ADAMTS8: variants seen among roughly 807,000 people sequenced by gnomAD.
ADAMTS8 encodes A disintegrin and metalloproteinase with thrombospondin motifs 8.
ADAMTS8 carries 50 observed loss-of-function variants against 64.4 expected under a neutral mutation model. That is an observed-to-expected ratio of 0.78 (90% CI 0.62 to 0.98). ADAMTS8 has a LOEUF of 0.98. Ranked by LOEUF, ADAMTS8 falls within the 50% of genes least tolerant of loss-of-function variation. The probability of loss-of-function intolerance (pLI) is 0.00; values close to 1 mark genes in which losing one functional copy is unlikely to be tolerated. For synonymous variants in ADAMTS8, 556 were observed against 533.6 expected, an observed-to-expected ratio of 1.04 and a Z score of -0.58; for missense variants, 1,192 against 1,208.2, an observed-to-expected ratio of 0.99 and a Z score of 0.20.
intron 8 of ADAMTS8, among the ~76,000 whole-genome samples, chr11:130,407,550 A>G (rs751954719): frequency 2.6e-5 from 4 of 152,130 alleles, no homozygotes; most frequent in Non-Finnish European, 4.4e-5. Flanking sequence ...CAATACAGTG[A>G]ACACTTCTCA....
At chr11:130,410,455 C>T (rs1373274557) in intron 6 of ADAMTS8, among the ~76,000 whole-genome samples, 1 of 152,222 alleles carries the variant, frequency 6.6e-6, no homozygotes, top group Non-Finnish European at 1.5e-5. Context: ...CCCCCTTTCC[C>T]AGCAACGTCT....
At chr11:130,414,238 C>T (rs1861990193) in intron 5 of ADAMTS8, among the ~76,000 whole-genome samples, 1 of 151,640 alleles carries the variant, frequency 6.6e-6, no homozygotes, top group African/African-American at 2.4e-5. Flanking sequence ...ATCTCCCTGC[C>T]TCCGCCTTCT....
At chr11:130,415,598 T>C (rs10894198) in intron 4 of ADAMTS8, among the ~76,000 whole-genome samples, 103,565 of 144,206 alleles carry the variant, frequency 0.72, 37,476 homozygotes, top group African/African-American at 0.79. Context: ...CCACTGCACC[T>C]GGCCCTTTTT....
intron 8 of ADAMTS8, among the ~76,000 whole-genome samples, chr11:130,407,142 C>A (rs28396081): frequency 6.6e-6 from 1 of 152,142 alleles, no homozygotes; most frequent in Non-Finnish European, 1.5e-5. Context: ...CCAAGGCGGG[C>A]GGATCACTTG....
At position 130,427,797 on chromosome 11, in the gene ADAMTS8, C is replaced by A; in HGVS notation, c.490G>T (p.Gly164Ter). Residue 164 changes from glycine to a stop codon, truncating the protein, a stop_gained, in exon 1 of 9, where the codon GGA becomes TGA. Transcript: ENST00000257359. LOFTEE classifies it high-confidence loss of function. The stretch of plus-strand genomic sequence containing the variant: ...CCCGTCTCCACCTCCCACTCGGGTC[C>A]TCGCGGGAGGGGGCGGGCTCCGGCG... Reference protein sequence around the residue: ...GPAGARPLPRGPEWEVETGEG... With the variant: ...GPAGARPLPR The A allele has an allele frequency of 6.3e-7, 1 of 1,580,548 alleles. No individual in the cohort carries two copies.
In ADAMTS8 at chr11:130,411,523, A is replaced by C; in HGVS notation, c.1644T>G (p.Phe548Leu). ...CGGGGTCCTTGCACTCACGGTGTGAAAACTGTACTCCTCCTCCACAGGTCC... is the reference window on the plus strand; with the variant it reads ...CGGGGTCCTTGCACTCACGGTGTGACAACTGTACTCCTCCTCCACAGGTCC... ...CSRTCGGGVQ[F>L]SHRECKDPEP... The change falls in exon 6 of 9, where the codon TTT (phenylalanine) becomes TTG (leucine). Residue 548 changes from phenylalanine to leucine, a missense_variant. Phe to Leu is a conservative substitution (Grantham distance 22). Transcript: ENST00000257359. The surrounding 1 kb of genome is among the most constrained non-coding windows in gnomAD (Gnocchi z 4.2). The C allele has an allele frequency of 6.2e-7, 1 of 1,614,110 alleles. No homozygotes were observed. Among genetic ancestry groups the C allele is most frequent in the African/African-American group, 1.3e-5 (1 of 75,018 alleles).
chr11:130,407,393 T>C lies in ADAMTS8; in HGVS notation c.2099+1071A>G, dbSNP rs1018010954. 5.9e-5 allele frequency among the ~76,000 whole-genome samples: 9 copies of C among 151,750 alleles called. No individual in the cohort carries two copies. The South Asian group carries it at 1.0e-3, about 17-fold the overall frequency. ...AATAATAAAAATAAATTAAAAAAAATGAAAACAGTCCCAAGTTGCCTGCTG... is the reference window on the plus strand; with the variant it reads ...AATAATAAAAATAAATTAAAAAAAACGAAAACAGTCCCAAGTTGCCTGCTG... On this transcript the variant is annotated intron_variant, in intron 8 of 8. Coordinates refer to ENST00000257359, the MANE Select transcript of ADAMTS8 (RefSeq NM_007037.6).
rs1441010868 is a variant in ADAMTS8 at position 130,416,312 on chromosome 11, G to A, written c.1115C>T (p.Pro372Leu). The A allele has an allele frequency of 1.3e-6, 2 of 1,567,382 alleles. No homozygotes were observed. The highest frequency in any genetic ancestry group is 1.7e-6 in the Non-Finnish European group (2 of 1,156,596). The change falls in exon 4 of 9, where the codon CCC becomes CTC. Residue 372 changes from proline to leucine, a missense_variant. By Grantham distance (98) the Pro-to-Leu change is moderately conservative. This residue lies in a region of ADAMTS8 where 741 missense variants were observed against 710.6 expected (regional missense o/e 1.04). Coordinates refer to ENST00000257359, the MANE Select transcript of ADAMTS8 (RefSeq NM_007037.6). The surrounding 1 kb of genome is among the most constrained non-coding windows in gnomAD (Gnocchi z 4.8). ...AHELGHVLSMPHDDSKPCTRL... is the reference protein window; with the variant it reads ...AHELGHVLSMLHDDSKPCTRL... ...TGTGCAGGGCTTGGAGTCGTCGTGG[G>A]GCATGCTGAGGACGTGCCCTGGGGA...
intron 5 of ADAMTS8, among the ~76,000 whole-genome samples, chr11:130,413,882 C>T (rs560705527): frequency 2.3e-4 from 35 of 152,270 alleles, no homozygotes; most frequent in African/African-American, 8.2e-4. Flanking sequence ...GTGGCTCCAT[C>T]TGTTGTGTGC....
In ADAMTS8 at chr11:130,405,690, G is replaced by A; in HGVS notation, c.2538C>T (p.Ser846=). 1 of 1,614,130 alleles carries A rather than the reference G, an allele frequency of 6.2e-7. No individual in the cohort carries two copies. The highest frequency in any genetic ancestry group is 1.7e-4 in the Middle Eastern group (1 of 6,050). Residue 846 remains serine (S), a synonymous_variant, in exon 9 of 9, where the codon AGC becomes AGT. Transcript: ENST00000257359. ...WVLGDWSECS[S]TCGAGWQRRT... ...GCCTCTGCCAGCCGGCCCCGCAGGT[G>A]CTAGAGCACTCAGACCAGTCCCCCA...
intron 4 of ADAMTS8, 75 bp from the exon 5 acceptor site, chr11:130,414,907 G>A (rs1365392697): frequency 3.5e-6 from 5 of 1,414,726 alleles, no homozygotes; most frequent in Non-Finnish European, 4.7e-6. Context: ...GGCCTGTGAT[G>A]GATGGCACTG....
Position 130,405,931 on chromosome 11 carries a change from T to A in ADAMTS8, c.2297A>T (p.Tyr766Phe), listed in dbSNP as rs905909632. Residue 766 changes from tyrosine to phenylalanine, a missense_variant, in exon 9 of 9, where the codon TAC (tyrosine) becomes TTC (phenylalanine). Tyr to Phe is a conservative substitution (Grantham distance 22). This residue lies in a region of ADAMTS8 where 4 missense variants were observed against 18.2 expected (regional missense o/e 0.22). Transcript: ENST00000257359. Reference protein sequence around the residue: ...DILVKGTILKYSGSIATLERL... With the variant: ...DILVKGTILKFSGSIATLERL... ...CTCCAGGGTGGCGATGGAGCCGCTG[T>A]ACTTCAGGATGGTCCCCTTCACCAA... 6.2e-7 allele frequency: 1 copy of A among 1,614,032 alleles called. No homozygotes were observed. The highest frequency in any genetic ancestry group is 1.3e-5 in the African/African-American group (1 of 74,954).
In ADAMTS8 at chr11:130,414,684, G is replaced by C. The variant is rs745767920; in HGVS notation, c.1413C>G (p.Val471=). Residue 471 remains valine (V), a synonymous_variant, in exon 5 of 9, where the codon GTC becomes GTG. Transcript: ENST00000257359. ...CAGTGTGGCACCAAAGCTGGGCGCA[G>C]ACGTCCTGAGCAGAGGTGTTGGGGC... ...RHCPNTSAQD[V]CAQLWCHTDG... is the part of the protein sequence containing the mutation. 1.2e-6 allele frequency: 2 copies of C among 1,613,882 alleles called. No homozygotes were observed. Among genetic ancestry groups the C allele is most frequent in the Admixed American group, 1.7e-5 (1 of 60,018 alleles).
At chr11:130,427,286 G>C (rs903557033) in intron 1 of ADAMTS8, among the ~76,000 whole-genome samples, 9 of 152,246 alleles carry the variant, frequency 5.9e-5, no homozygotes, top group Non-Finnish European at 1.2e-4. Context: ...CGGGAGATTC[G>C]GATGAGAGGG....
rs1359267606 is a variant in ADAMTS8 at position 130,416,603 on chromosome 11, T to C, written c.1097-273A>G. Reference sequence around the variant, plus strand: ...CTCTCACATGACAGTCCCTGGACCATTGTTCTTCCCCCAGATCCCACGGCT... The same window carrying C: ...CTCTCACATGACAGTCCCTGGACCACTGTTCTTCCCCCAGATCCCACGGCT... On this transcript the variant is annotated intron_variant, in intron 3 of 8. Transcript: ENST00000257359. The surrounding 1 kb of genome is among the most constrained non-coding windows in gnomAD (Gnocchi z 4.8). 6.6e-6 allele frequency among the ~76,000 whole-genome samples: 1 copy of C among 152,198 alleles called. No individual in the cohort carries two copies. Among genetic ancestry groups the C allele is most frequent in the African/African-American group, 2.4e-5 (1 of 41,448 alleles).
chr11:130,407,234 G>T (rs1861895844), intron 8 of ADAMTS8, among the ~76,000 whole-genome samples: 1 of 152,118 alleles, frequency 6.6e-6, no homozygotes, highest in Non-Finnish European at 1.5e-5. Flanking sequence ...TGGGTGTGGT[G>T]GTGCATGCCT....
intron 8 of ADAMTS8, among the ~76,000 whole-genome samples, chr11:130,407,828 T>C (rs1861903106): frequency 6.6e-6 from 1 of 152,224 alleles, no homozygotes; most frequent in Admixed American, 6.5e-5. Flanking sequence ...TTTCTTCCTC[T>C]GCAAAATGAG....
At chr11:130,409,469 G>A (rs991055638) in intron 6 of ADAMTS8, among the ~76,000 whole-genome samples, 1 of 152,126 alleles carries the variant, frequency 6.6e-6, no homozygotes, top group Non-Finnish European at 1.5e-5. Flanking sequence ...GCATGGCCAA[G>A]CTCCCGATGG....
At chr11:130,426,080 A>G (rs1410365932) in intron 1 of ADAMTS8, among the ~76,000 whole-genome samples, 1 of 152,224 alleles carries the variant, frequency 6.6e-6, no homozygotes, top group Non-Finnish European at 1.5e-5. Context: ...GCAGGGAAAC[A>G]GGTGTTAAAT....
Sources: gnomAD v4.1 joint callset for allele counts (sites outside exome capture counted in the v4.1 genomes callset) on GRCh38, gnomAD v4.1.1 for gene constraint, gnomAD v4.1.1 regional missense constraint, Gnocchi (gnomAD v3.1) non-coding constraint, MANE v1.5 for transcripts, NCBI Gene and HGNC (gene_info 2026-07-23, HGNC 2026-07-21) for gene names.